Variants in IGFL2 observed in about 807,000 individuals in gnomAD.
The protein encoded by IGFL2 is IGF like family member 2.
A neutral mutation model predicts 13.9 loss-of-function variants in IGFL2; 7 were observed. The observed-to-expected ratio is 0.51, with a 90% CI of 0.29 to 0.95. IGFL2 has a LOEUF of 0.95. Ranked by LOEUF, IGFL2 falls within the 40% of genes least tolerant of loss-of-function variation. The pLI is 0.08. For missense variants in IGFL2, 138 were observed against 147.8 expected (o/e 0.93, Z 0.34); for synonymous variants, 55 against 55.8 (o/e 0.99, Z 0.07).
chr19:46,120,387 TAAC>T, the IGFL2 span: 1 of 1,610,108 alleles, frequency 6.2e-7, no homozygotes, highest in Admixed American at 1.7e-5. Flanking sequence ...CAAAGTGTCT[TAAC>T]AACATATATT....
chr19:46,111,417 C>A, the IGFL2 span: 1 of 152,078 alleles, frequency 6.6e-6, no homozygotes, highest in Admixed American at 6.6e-5. Context: ...AAAAGGATGA[C>A]CTGATAAACT....
the IGFL2 span, among the ~76,000 whole-genome samples, chr19:46,180,855 G>A: frequency 1.3e-5 from 2 of 152,172 alleles, no homozygotes; most frequent in Non-Finnish European, 2.9e-5. Context: ...GAAAGATGAA[G>A]GCCTGGACGA....
chr19:46,096,587 T>G, the IGFL2 span, among the ~76,000 whole-genome samples: 1 of 152,182 alleles, frequency 6.6e-6, no homozygotes, highest in African/African-American at 2.4e-5. Flanking sequence ...GAGGGTATCC[T>G]TGTCTTGTGC....
the IGFL2 span, among the ~76,000 whole-genome samples, chr19:46,133,330 C>T: frequency 1.3e-5 from 2 of 152,152 alleles, no homozygotes; most frequent in Non-Finnish European, 1.5e-5. Context: ...AGAGCACACA[C>T]GAACAAAGGA....
At chr19:46,164,468 C>T (rs1226324649), downstream of IGFL2, 3 of 152,314 alleles carry the variant, frequency 2.0e-5, no homozygotes, top group African/African-American at 7.2e-5. Flanking sequence ...GGGTTCCATC[C>T]CAGGGAGAAT....
the IGFL2 span, among the ~76,000 whole-genome samples, chr19:46,127,019 A>G: frequency 1.3e-5 from 2 of 152,196 alleles, no homozygotes; most frequent in African/African-American, 4.8e-5. Flanking sequence ...CACACTTGAA[A>G]AGCTCCCAGC....
chr19:46,178,876 A>G, the IGFL2 span, among the ~76,000 whole-genome samples: 183 of 151,972 alleles, frequency 1.2e-3, no homozygotes, highest in African/African-American at 4.2e-3. Context: ...AACCTGACCA[A>G]CTCAGGCACA....
chr19:46,126,528 A>C, the IGFL2 span, among the ~76,000 whole-genome samples: 1 of 152,348 alleles, frequency 6.6e-6, no homozygotes, highest in Non-Finnish European at 1.5e-5. Flanking sequence ...CTGTCTCAGA[A>C]ACAAAATGTG....
chr19:46,170,168 AGAGT>A, the IGFL2 span, among the ~76,000 whole-genome samples: 1 of 151,944 alleles, frequency 6.6e-6, no homozygotes, highest in Non-Finnish European at 1.5e-5. Flanking sequence ...GCACCGAGAG[AGAGT>A]AAGAATCGGG....
chr19:46,096,756 T>C, the IGFL2 span, among the ~76,000 whole-genome samples: 44 of 152,346 alleles, frequency 2.9e-4, 1 homozygote, highest in South Asian at 8.5e-3. Context: ...AGAGGCGTTT[T>C]TCTGCATCTA....
the IGFL2 span, among the ~76,000 whole-genome samples, chr19:46,125,353 A>G: frequency 3.9e-5 from 6 of 152,188 alleles, no homozygotes; most frequent in Admixed American, 3.3e-4. Flanking sequence ...TTTCATAATC[A>G]TATTATATTA....
At chr19:46,121,101 A>G in the IGFL2 span, among the ~76,000 whole-genome samples, 1 of 150,414 alleles carries the variant, frequency 6.6e-6, no homozygotes, top group Admixed American at 6.6e-5. Flanking sequence ...AGGCACCACT[A>G]TAGTGGTGGC....
the IGFL2 span, among the ~76,000 whole-genome samples, chr19:46,178,194 T>A: frequency 6.6e-6 from 1 of 152,038 alleles, no homozygotes; most frequent in Non-Finnish European, 1.5e-5. Context: ...GGAGAATCAC[T>A]TGAACCCAGG....
chr19:46,096,297 TCATC>T, the IGFL2 span, among the ~76,000 whole-genome samples: 7 of 152,220 alleles, frequency 4.6e-5, no homozygotes, highest in Admixed American at 1.3e-4. Context: ...GAATGGGAGT[TCATC>T]CATGATTTGT....
the IGFL2 span, chr19:46,213,315 C>G: frequency 0.01 from 1,572 of 152,498 alleles, 17 homozygotes; most frequent in Middle Eastern, 0.023. Context: ...CTGCCTGGCT[C>G]CTTTACTGCC....
At chr19:46,147,294 C>T (rs549408733), upstream of IGFL2, among the ~76,000 whole-genome samples, 36 of 152,276 alleles carry the variant, frequency 2.4e-4, no homozygotes, top group Non-Finnish European at 5.0e-4. Flanking sequence ...CTCAGATAGG[C>T]TGAGGCCCAC....
At chr19:46,185,531 G>A in the IGFL2 span, among the ~76,000 whole-genome samples, 27 of 152,254 alleles carry the variant, frequency 1.8e-4, no homozygotes, top group African/African-American at 6.3e-4. Context: ...CTCTAGAGTG[G>A]TGTGGGAGTC....
At chr19:46,093,647 A>G in the IGFL2 span, among the ~76,000 whole-genome samples, 2 of 152,210 alleles carry the variant, frequency 1.3e-5, no homozygotes, top group Admixed American at 6.5e-5. Context: ...CAAGGAGTCT[A>G]TAAAGAATTC....
chr19:46,085,789 C>T, the IGFL2 span, among the ~76,000 whole-genome samples: 4 of 152,158 alleles, frequency 2.6e-5, no homozygotes, highest in African/African-American at 7.2e-5. Context: ...TTAACACTCC[C>T]TTAAGGAACT....
Sources: gnomAD v4.1 joint callset for allele counts (sites outside exome capture counted in the v4.1 genomes callset) on GRCh38, gnomAD v4.1.1 for gene constraint, MANE v1.5 for transcripts, NCBI Gene and HGNC (gene_info 2026-07-23, HGNC 2026-07-21) for gene names.